Variants in MARK3 observed in about 807,000 individuals in gnomAD.
The protein encoded by MARK3 is microtubule affinity regulating kinase 3.
In MARK3, 46 loss-of-function variants were observed where a neutral mutation model predicts 90.1. That is an observed-to-expected ratio of 0.51 (90% CI 0.40 to 0.65). The LOEUF is 0.65. Ranked by LOEUF, MARK3 falls within the 30% of genes least tolerant of loss-of-function variation. MARK3 has a pLI of 0.00. For missense variants in MARK3, 818 were observed against 947.2 expected, an observed-to-expected ratio of 0.86 and a Z score of 1.79; for synonymous variants, 321 against 332.6, an observed-to-expected ratio of 0.97 and a Z score of 0.38.
At chr14:103,471,141 C>T (rs2093619220) in intron 12 of MARK3, among the ~76,000 whole-genome samples, 1 of 152,136 alleles carries the variant, frequency 6.6e-6, no homozygotes, top group African/African-American at 2.4e-5. Flanking sequence ...GACCACATGG[C>T]AATTAAATGC....
At chr14:103,474,449 C>T (rs1439787480) in intron 12 of MARK3, among the ~76,000 whole-genome samples, 3 of 118,334 alleles carry the variant, frequency 2.5e-5, no homozygotes, top group East Asian at 2.8e-4. Flanking sequence ...CCTCCACCGA[C>T]TTCCTCCCTG....
intron 14 of MARK3, chr14:103,491,223 C>T (rs1276544390): frequency 1.3e-6 from 1 of 744,266 alleles, no homozygotes; most frequent in African/African-American, 1.8e-5. Context: ...CGTCCTTCCT[C>T]CATGTGATTT....
rs78290100 is a variant in MARK3, at chr14:103,476,489, A to C, written c.1482+1279A>C. 7.2e-3 allele frequency among the ~76,000 whole-genome samples: 1,058 copies of C among 147,052 alleles called. 7 individuals are homozygous for C. The highest frequency in any genetic ancestry group is 9.8e-3 in the Non-Finnish European group (639 of 65,322). On this transcript the variant is annotated intron_variant, in intron 13 of 17. Transcript: ENST00000429436. The stretch of plus-strand genomic sequence containing the variant: ...CAGCTCTTAATCCCTATCTGTAACA[A>C]AATCTCCCCAGTAAGTAGATAATAT...
chr14:103,433,801 G>A (rs1468692972), intron 3 of MARK3, among the ~76,000 whole-genome samples: 1 of 152,124 alleles, frequency 6.6e-6, no homozygotes, highest in African/African-American at 2.4e-5. Context: ...TGGAATCTTA[G>A]CAGGGATTAC....
intron 3 of MARK3, among the ~76,000 whole-genome samples, chr14:103,434,271 C>T (rs915698319): frequency 6.6e-6 from 1 of 152,148 alleles, no homozygotes; most frequent in Non-Finnish European, 1.5e-5. Flanking sequence ...ACCAAGTTGT[C>T]CGCTCTACCA....
intron 1 of MARK3, among the ~76,000 whole-genome samples, chr14:103,402,754 T>C (rs1002567713): frequency 5.3e-5 from 8 of 152,278 alleles, no homozygotes; most frequent in African/African-American, 1.9e-4. Flanking sequence ...GACCACAGGG[T>C]GGTCTTCAGT....
chr14:103,463,865 T>A (rs1254658299), intron 7 of MARK3, among the ~76,000 whole-genome samples: 1 of 152,224 alleles, frequency 6.6e-6, no homozygotes, highest in African/African-American at 2.4e-5. Flanking sequence ...CAATCCTTTG[T>A]GATTAAGCCC....
At chr14:103,501,529 C>A (rs1417865608) in intron 17 of MARK3, among the ~76,000 whole-genome samples, 1 of 152,084 alleles carries the variant, frequency 6.6e-6, no homozygotes, top group Admixed American at 6.5e-5. Flanking sequence ...TGGCTGTGAT[C>A]CCCTCTACTC....
intron 14 of MARK3, among the ~76,000 whole-genome samples, chr14:103,481,469 C>T (rs1049818042): frequency 2.0e-5 from 3 of 152,168 alleles, no homozygotes; most frequent in African/African-American, 7.2e-5. Context: ...ACAGCCTAAT[C>T]AAAAATTCTC....
chr14:103,457,304 T>C (rs535211144), intron 6 of MARK3, 92 bp downstream of exon 6: 6 of 925,914 alleles, frequency 6.5e-6, no homozygotes, highest in Admixed American at 4.1e-5. Flanking sequence ...TAAATGCTTA[T>C]AAGGCCTGTT....
chr14:103,418,848 A>G lies in MARK3; in HGVS notation c.244-9539A>G, dbSNP rs576429539. 4.6e-5 allele frequency among the ~76,000 whole-genome samples: 7 copies of G among 152,274 alleles called. No homozygotes were observed. In the East Asian group the frequency reaches 7.7e-4, roughly 17 times the overall value. ...AACATATTTTTGATTATAATTTTGT[A>G]TCTTGTTTTTTCCGCCCTCGGAATT... On this transcript the variant is annotated intron_variant, in intron 2 of 17. Transcript: ENST00000429436.
At chr14:103,487,909 G>A (rs527424487) in intron 14 of MARK3, among the ~76,000 whole-genome samples, 53 of 152,168 alleles carry the variant, frequency 3.5e-4, no homozygotes, top group African/African-American at 1.1e-3. Flanking sequence ...TTAGCCGGGC[G>A]TGGTGGTGGG....
At chr14:103,483,351 A>G (rs2093861501) in intron 14 of MARK3, among the ~76,000 whole-genome samples, 1 of 152,148 alleles carries the variant, frequency 6.6e-6, no homozygotes, top group South Asian at 2.1e-4. Flanking sequence ...TTCATACGGA[A>G]TTTCAACATG....
intron 14 of MARK3, chr14:103,491,287 G>T: frequency 3.8e-6 from 1 of 260,396 alleles, no homozygotes; most frequent in South Asian, 5.2e-5. Flanking sequence ...GTGTGTCTTC[G>T]TGCCTTCGCG....
rs895284207 is a variant in MARK3 at position 103,470,391 on chromosome 14, A to G, written c.1264+2205A>G. Among the ~76,000 whole-genome samples, 4 of 149,846 alleles carry G rather than the reference A, an allele frequency of 2.7e-5. No individual in the cohort carries two copies. In the Admixed American group the frequency reaches 2.7e-4, roughly 10 times the overall value. On this transcript the variant is annotated intron_variant, in intron 12 of 17. Coordinates refer to ENST00000429436, the MANE Select transcript of MARK3 (RefSeq NM_001128918.3). The stretch of plus-strand genomic sequence containing the variant: ...CGTGTGTGTTTACTTGCCCATAACT[A>G]TAAATGTTAACATTGCAGATATTTC...
intron 13 of MARK3, among the ~76,000 whole-genome samples, chr14:103,478,434 A>G (rs2093757389): frequency 6.7e-6 from 1 of 148,708 alleles, no homozygotes; most frequent in Admixed American, 6.8e-5. Context: ...CCTGTTCTGA[A>G]TATTTTATAT....
chr14:103,463,405 A>C (rs1052654970), intron 7 of MARK3, among the ~76,000 whole-genome samples: 1 of 152,152 alleles, frequency 6.6e-6, no homozygotes, highest in Non-Finnish European at 1.5e-5. Flanking sequence ...TCCTACGGCC[A>C]GAGCACTCTT....
chr14:103,455,958 C>A (rs900056567), intron 5 of MARK3, among the ~76,000 whole-genome samples: 1 of 152,148 alleles, frequency 6.6e-6, no homozygotes, highest in Non-Finnish European at 1.5e-5. Flanking sequence ...CCTGAAAACA[C>A]TTATATCTAA....
rs539230199 is a variant in MARK3, at chr14:103,438,484, A to G, written c.297+10044A>G. On this transcript the variant is annotated intron_variant, in intron 3 of 17. Transcript: ENST00000429436. The stretch of plus-strand genomic sequence containing the variant: ...GCCAGTCACTCATAGTACTTTCCAT[A>G]TGGGAAGGATAACAAAGGAACATAT... 4.6e-5 allele frequency among the ~76,000 whole-genome samples: 7 copies of G among 152,300 alleles called. No homozygotes were observed. The East Asian group carries it at 1.4e-3, about 29-fold the overall frequency.
Sources: allele counts gnomAD v4.1 joint callset (sites outside exome capture counted in the v4.1 genomes callset), GRCh38; gene constraint gnomAD v4.1.1; transcripts MANE v1.5; gene names NCBI Gene and HGNC (gene_info 2026-07-23, HGNC 2026-07-21).